NCK1: variants seen among roughly 807,000 people sequenced by gnomAD.
NCK1 encodes the protein SH2/SH3 adapter protein NCK1.
A neutral mutation model predicts 36.6 loss-of-function variants in NCK1; 19 were observed. The ratio of observed to expected loss-of-function variants is 0.52; its 90% CI spans 0.36 to 0.76. NCK1 has a LOEUF of 0.76. NCK1 is among the 30% of genes least tolerant of loss of function. NCK1 has a pLI of 0.00. For missense variants in NCK1, 358 were observed against 445.6 expected (o/e 0.80, Z 1.77); for synonymous variants, 165 against 156.0 (o/e 1.06, Z -0.43).
At chr3:136,901,160 A>G (rs748778418) in intron 1 of NCK1, among the ~76,000 whole-genome samples, 3 of 152,122 alleles carry the variant, frequency 2.0e-5, no homozygotes. Flanking sequence ...GTCTGTTGAG[A>G]TGAACATATG....
chr3:136,868,948 C>T (rs940563460), intron 1 of NCK1, among the ~76,000 whole-genome samples: 1 of 152,118 alleles, frequency 6.6e-6, no homozygotes, highest in Non-Finnish European at 1.5e-5. Flanking sequence ...GACAAAATAT[C>T]TTGTTGAGGC....
At chr3:136,868,795 T>C (rs1938522315) in intron 1 of NCK1, among the ~76,000 whole-genome samples, 1 of 152,210 alleles carries the variant, frequency 6.6e-6, no homozygotes, top group Non-Finnish European at 1.5e-5. Flanking sequence ...CCTGGAGGGC[T>C]TATCATATAA....
intron 1 of NCK1, chr3:136,899,611 A>G: frequency 1.5e-6 from 1 of 659,978 alleles, no homozygotes; most frequent in Non-Finnish European, 2.9e-6. Context: ...GCAGCTTTAG[A>G]TGCTGCTTTT....
chr3:136,862,990 A>C (rs186180475), intron 1 of NCK1, among the ~76,000 whole-genome samples: 1 of 146,460 alleles, frequency 6.8e-6, no homozygotes, highest in East Asian at 2.1e-4. Context: ...TGGTAAAACA[A>C]AAAACCATTT....
intron 1 of NCK1, among the ~76,000 whole-genome samples, chr3:136,892,652 C>T (rs934962238): frequency 1.3e-5 from 2 of 152,116 alleles, no homozygotes; most frequent in Admixed American, 6.5e-5. Flanking sequence ...CTGCAAATGC[C>T]AAACAGGCCT....
Position 136,863,675 on chromosome 3 carries a change from C to T in NCK1, c.-19+1322C>T, listed in dbSNP as rs889250768. 2.6e-5 allele frequency among the ~76,000 whole-genome samples: 4 copies of T among 152,182 alleles called. No individual in the cohort carries two copies. The East Asian group carries it at 5.8e-4, about 22-fold the overall frequency. Reference sequence around the variant, plus strand: ...ATAGTTTGCAGAGTGTTCACATCTACTCAGCTGTTGGCTCATGTATTAAAT... The same window carrying T: ...ATAGTTTGCAGAGTGTTCACATCTATTCAGCTGTTGGCTCATGTATTAAAT... On this transcript the variant is annotated intron_variant, in intron 1 of 3. Transcript: ENST00000481752.
intron 1 of NCK1, among the ~76,000 whole-genome samples, chr3:136,865,418 A>G (rs553579911): frequency 6.6e-6 from 1 of 152,306 alleles, no homozygotes; most frequent in South Asian, 2.1e-4. Context: ...CTAGAGTTTT[A>G]CATTTTCATT....
At chr3:136,862,790 G>C (rs1336787583) in intron 1 of NCK1, among the ~76,000 whole-genome samples, 2 of 152,222 alleles carry the variant, frequency 1.3e-5, no homozygotes, top group African/African-American at 4.8e-5. Flanking sequence ...CTCACCTCCA[G>C]CCCGAGAGGA....
Position 136,945,700 on chromosome 3 carries a change from T to A in NCK1, c.344T>A (p.Phe115Tyr). The A allele has an allele frequency of 6.2e-7, 1 of 1,614,166 alleles. No homozygotes were observed. Among genetic ancestry groups the A allele is most frequent in the Non-Finnish European group, 8.5e-7 (1 of 1,180,022 alleles). The change falls in exon 3 of 4, where the codon TTT becomes TAT. Residue 115 changes from phenylalanine to tyrosine, a missense_variant. Coordinates refer to ENST00000481752, the MANE Select transcript of NCK1 (RefSeq NM_001291999.2). Reference sequence around the variant, plus strand: ...CTCAACATGCCCGCTTATGTGAAATTTAACTACATGGCTGAGAGAGAGGAT... The same window carrying A: ...CTCAACATGCCCGCTTATGTGAAATATAACTACATGGCTGAGAGAGAGGAT... ...YDLNMPAYVK[F>Y]NYMAEREDEL...
intron 1 of NCK1, among the ~76,000 whole-genome samples, chr3:136,903,699 G>A (rs1197774690): frequency 3.3e-5 from 5 of 152,094 alleles, no homozygotes; most frequent in Non-Finnish European, 5.9e-5. Flanking sequence ...TGCTGGGATT[G>A]TAGGTGAGAG....
At chr3:136,922,467 A>G (rs1484318069) in intron 1 of NCK1, among the ~76,000 whole-genome samples, 1 of 152,196 alleles carries the variant, frequency 6.6e-6, no homozygotes, top group East Asian at 1.9e-4. Flanking sequence ...AATTCTGGCC[A>G]TGTGGAGCCT....
Position 136,928,096 on chromosome 3 carries a change from T to C in NCK1, c.95T>C (p.Leu32Pro). ...AAGAAGAATGAGAGATTATGGCTTC[T>C]GGATGATTCTAAGTCCTGGTGGCGA... ...DIKKNERLWL[L>P]DDSKSWWRVR... Residue 32 changes from leucine to proline, a missense_variant, in exon 2 of 4, where the codon CTG (leucine) becomes CCG (proline). Leu to Pro is a moderately conservative substitution (Grantham distance 98, BLOSUM62 -3). Transcript: ENST00000481752. 1 of 1,614,230 alleles carries C rather than the reference T, an allele frequency of 6.2e-7. No individual in the cohort carries two copies. Among genetic ancestry groups the C allele is most frequent in the African/African-American group, 1.3e-5 (1 of 75,068 alleles).
rs1940941600 is a variant in NCK1, at chr3:136,950,341, AT to A, written c.*1890del. Among the ~76,000 whole-genome samples, 1 of 152,100 alleles carries A rather than the reference AT, an allele frequency of 6.6e-6. No individual in the cohort carries two copies. Among genetic ancestry groups the A allele is most frequent in the African/African-American group, 2.4e-5 (1 of 41,430 alleles). On this transcript the variant is annotated 3_prime_UTR_variant, in exon 4 of 4. Coordinates refer to ENST00000481752, the MANE Select transcript of NCK1 (RefSeq NM_001291999.2). ...TCATAGTAAACTGCACTGAGCTGAT[AT>A]TAATAGAGCAGACTTTTGAGAAAGT...
At chr3:136,871,768 T>TG (rs1334227622) in intron 1 of NCK1, among the ~76,000 whole-genome samples, 1 of 152,162 alleles carries the variant, frequency 6.6e-6, no homozygotes, top group Non-Finnish European at 1.5e-5. Context: ...AATTGAACCA[T>TG]GGGGGTGGGC....
intron 2 of NCK1, among the ~76,000 whole-genome samples, chr3:136,940,577 C>T (rs895545595): frequency 3.3e-5 from 5 of 152,146 alleles, no homozygotes; most frequent in Non-Finnish European, 7.3e-5. Context: ...GACAGTCTCG[C>T]TCTGTTGCCC....
intron 1 of NCK1, among the ~76,000 whole-genome samples, chr3:136,915,102 A>G (rs917452895): frequency 4.0e-5 from 6 of 150,218 alleles, no homozygotes; most frequent in African/African-American, 9.7e-5. Context: ...TTTGAGCCAA[A>G]TAAGCCTTTT....
intron 1 of NCK1, among the ~76,000 whole-genome samples, chr3:136,884,171 G>A (rs1939015524): frequency 6.6e-6 from 1 of 152,078 alleles, no homozygotes. Context: ...TCAGTGGAAG[G>A]AAAATGAGGA....
At chr3:136,916,003 G>A (rs1311110970) in intron 1 of NCK1, among the ~76,000 whole-genome samples, 1 of 152,144 alleles carries the variant, frequency 6.6e-6, no homozygotes, top group Non-Finnish European at 1.5e-5. Context: ...TGGGATTACA[G>A]GTGTGAGCCA....
chr3:136,938,231 C>A (rs1436510106), intron 2 of NCK1, among the ~76,000 whole-genome samples: 4 of 152,144 alleles, frequency 2.6e-5, no homozygotes, highest in Non-Finnish European at 5.9e-5. Context: ...TTGAACCACC[C>A]TTGCATAAAT....
Sources: allele counts gnomAD v4.1 joint callset (sites outside exome capture counted in the v4.1 genomes callset), GRCh38; gene constraint gnomAD v4.1.1; transcripts MANE v1.5; gene names NCBI Gene and HGNC (gene_info 2026-07-23, HGNC 2026-07-21).